Variants in TMX3 observed in about 807,000 individuals in gnomAD.
The protein encoded by TMX3 is thioredoxin related transmembrane protein 3, also known as protein disulfide-isomerase TMX3.
Under a neutral mutation model 64.4 loss-of-function variants are expected in TMX3, and 40 were observed. That is an observed-to-expected ratio of 0.62 (90% CI 0.48 to 0.81). The LOEUF is 0.81. Among genes scored for constraint, TMX3 ranks in the 30% least tolerant of loss-of-function variants. The pLI, the probability that TMX3 is intolerant of heterozygous loss-of-function variation, is 0.00. For synonymous variants in TMX3, 189 were observed against 175.7 expected, an observed-to-expected ratio of 1.08 and a Z score of -0.60; for missense variants, 497 against 534.5, an observed-to-expected ratio of 0.93 and a Z score of 0.69.
chr18:68,701,653 C>G, intron 5 of TMX3, 92 bp downstream of exon 5: 1 of 1,577,190 alleles, frequency 6.3e-7, no homozygotes, highest in Non-Finnish European at 8.6e-7. Context: ...AATCTTCAAT[C>G]CTCCAGGGAA....
chr18:68,697,875 T>A, intron 7 of TMX3, 57 bp downstream of exon 7: 1 of 1,119,386 alleles, frequency 8.9e-7, no homozygotes, highest in Admixed American at 1.8e-5. Context: ...AAGTCTTGAT[T>A]ATAGAGTAAA....
chr18:68,677,870 G>A (rs1318516160), intron 15 of TMX3, among the ~76,000 whole-genome samples: 3 of 152,070 alleles, frequency 2.0e-5, no homozygotes, highest in Non-Finnish European at 4.4e-5. Flanking sequence ...GTGTGTTTTA[G>A]GTAGGAATTT....
In TMX3 at chr18:68,681,019, C is replaced by T. The variant is rs149874821; in HGVS notation, c.997G>A (p.Val333Ile). Residue 333 changes from valine (V) to isoleucine (I), a missense_variant, in exon 14 of 16, where the codon GTC becomes ATC. By Grantham distance (29) the Val-to-Ile change is conservative. Coordinates refer to ENST00000299608, the MANE Select transcript of TMX3 (RefSeq NM_019022.5). Reference protein sequence around the residue: ...DRQIKNVEDMVQFINNILDGT... With the variant: ...DRQIKNVEDMIQFINNILDGT... ...TCCAAAATGTTATTAATAAACTGGA[C>T]CATGTCTTCAACATTCTTAATCTGT... is the stretch of plus-strand genomic sequence containing the variant. 6,375 of 1,599,368 alleles carry T rather than the reference C, an allele frequency of 4.0e-3. 24 individuals are homozygous for T. The highest frequency in any genetic ancestry group is 4.7e-3 in the Non-Finnish European group (5,547 of 1,173,566).
Position 68,684,487 on chromosome 18 carries a change from T to G in TMX3, c.737-2A>C. The G allele has an allele frequency of 6.2e-7, 1 of 1,612,234 alleles. No individual in the cohort carries two copies. Among genetic ancestry groups the G allele is most frequent in the Non-Finnish European group, 8.5e-7 (1 of 1,179,296 alleles). ...TAACTGCAAGAGCCACAAGCTTTCCTGAAATAAAGAATGACACATCTGAAT... is the reference window on the plus strand; with the variant it reads ...TAACTGCAAGAGCCACAAGCTTTCCGGAAATAAAGAATGACACATCTGAAT... On this transcript the variant is annotated splice_acceptor_variant, in intron 10 of 15. Coordinates refer to ENST00000299608, the MANE Select transcript of TMX3 (RefSeq NM_019022.5). LOFTEE classifies it high-confidence loss of function.
intron 6 of TMX3, among the ~76,000 whole-genome samples, chr18:68,698,806 G>A (rs1915367498): frequency 6.6e-6 from 1 of 152,044 alleles, no homozygotes; most frequent in Admixed American, 6.5e-5. Context: ...CATGAGGTCA[G>A]GAGGTCGAGA....
At chr18:68,686,905 GTC>G in intron 10 of TMX3, 1 of 984,892 alleles carries the variant, frequency 1.0e-6, no homozygotes, top group Non-Finnish European at 1.2e-6. Flanking sequence ...ATGTAAGAAT[GTC>G]TCTAATTTTT....
chr18:68,704,792 T>C (rs990434604), intron 4 of TMX3, among the ~76,000 whole-genome samples: 8 of 152,220 alleles, frequency 5.3e-5, no homozygotes, highest in African/African-American at 1.9e-4. Context: ...TATTTTCTTC[T>C]TGAAATGGTA....
At chr18:68,695,131 G>C (rs989206216) in intron 8 of TMX3, among the ~76,000 whole-genome samples, 10 of 152,174 alleles carry the variant, frequency 6.6e-5, no homozygotes, top group African/African-American at 2.2e-4. Flanking sequence ...ACACCAATGA[G>C]GTTTTTCTCC....
Position 68,674,343 on chromosome 18 carries a change from C to T in TMX3, c.*2590G>A, listed in dbSNP as rs774312593. On this transcript the variant is annotated 3_prime_UTR_variant, in exon 16 of 16. Coordinates refer to ENST00000299608, the MANE Select transcript of TMX3 (RefSeq NM_019022.5). ...TGGTGCACAGGGTACTCGATAAAAA[C>T]ATGCACTTTGTCTCGCTGAAATGTC... is the stretch of plus-strand genomic sequence containing the variant. 3 of 152,098 alleles carry T rather than the reference C, an allele frequency of 2.0e-5. No homozygotes were observed. Among genetic ancestry groups the T allele is most frequent in the Non-Finnish European group, 4.4e-5 (3 of 67,982 alleles). 9.4% of individuals were successfully genotyped at this position (152,098 alleles called of 1,614,324 possible).
At chr18:68,687,135 C>T in intron 10 of TMX3, 1 of 984,646 alleles carries the variant, frequency 1.0e-6, no homozygotes, top group Non-Finnish European at 1.2e-6. Context: ...AACACTTTCT[C>T]CTAAAACTTA....
In TMX3 at chr18:68,696,901, T is replaced by C. The variant is rs879694185; in HGVS notation, c.570+325A>G. The C allele has an allele frequency of 1.5e-3, 318 of 214,668 alleles. 1 individual carries two copies. The highest frequency in any genetic ancestry group is 5.3e-3 in the African/African-American group (173 of 32,554). The allele number at this position is 214,668 out of a possible 1,614,324, so 13.3% of individuals were successfully genotyped here. A position where few individuals can be genotyped will look rare whatever the true frequency, so the allele number is the denominator to read the frequency against. On this transcript the variant is annotated intron_variant, in intron 8 of 15. Coordinates refer to ENST00000299608, the MANE Select transcript of TMX3 (RefSeq NM_019022.5). ...CAACACACACACACACACACACACA[T>C]ACGCACGCAAAATAATCCACCACTT... is the stretch of plus-strand genomic sequence containing the variant.
chr18:68,674,502 T>C lies in TMX3; in HGVS notation c.*2431A>G, dbSNP rs1388634271. Reference sequence around the variant, plus strand: ...CCAACTTCCTGAAGGACCCCATTATTCATATAGAATCATGACAAAATTTAC... The same window carrying C: ...CCAACTTCCTGAAGGACCCCATTATCCATATAGAATCATGACAAAATTTAC... On this transcript the variant is annotated 3_prime_UTR_variant, in exon 16 of 16. Coordinates refer to ENST00000299608, the MANE Select transcript of TMX3 (RefSeq NM_019022.5). 6.6e-6 allele frequency: 1 copy of C among 152,044 alleles called. No individual in the cohort carries two copies. Among genetic ancestry groups the C allele is most frequent in the African/African-American group, 2.4e-5 (1 of 41,438 alleles). 9.4% of individuals were successfully genotyped at this position (152,044 alleles called of 1,614,324 possible).
chr18:68,679,647 C>T, intron 14 of TMX3, 116 bp from the exon 15 acceptor site: 2 of 753,624 alleles, frequency 2.7e-6, no homozygotes, highest in South Asian at 1.9e-5. Context: ...TACATAATCA[C>T]CTGAAAAGGC....
At chr18:68,686,492 C>T (rs1024552304) in intron 10 of TMX3, among the ~76,000 whole-genome samples, 2 of 152,084 alleles carry the variant, frequency 1.3e-5, no homozygotes, top group Admixed American at 6.5e-5. Context: ...GTGCGGATCA[C>T]GAGGTCAGGA....
At chr18:68,687,859 C>G in intron 9 of TMX3, 94 bp from the exon 10 acceptor site, 1 of 816,454 alleles carries the variant, frequency 1.2e-6, no homozygotes, top group Non-Finnish European at 1.9e-6. Context: ...AAACGCCTGA[C>G]AGAGAATCAT....
intron 4 of TMX3, among the ~76,000 whole-genome samples, chr18:68,704,680 T>A (rs893101493): frequency 6.6e-6 from 1 of 152,222 alleles, no homozygotes; most frequent in Non-Finnish European, 1.5e-5. Context: ...AATTCCTTCA[T>A]AAATTGAAGA....
intron 7 of TMX3, chr18:68,697,635 A>C (rs1316508216): frequency 7.9e-6 from 3 of 381,744 alleles, no homozygotes; most frequent in Non-Finnish European, 1.4e-5. Context: ...CAAAGTCTGC[A>C]GTCTCAAAGA....
At chr18:68,710,192 A>G in intron 3 of TMX3, 48 bp from the exon 4 acceptor site, 1 of 1,450,194 alleles carries the variant, frequency 6.9e-7, no homozygotes, top group South Asian at 1.5e-5. Flanking sequence ...AACCATTAAA[A>G]TGTTGTGCTA....
chr18:68,682,870 A>G lies in TMX3; in HGVS notation c.905+55T>C, dbSNP rs940217749. ...TTAATCCTTCTACCTGTATCTCAGA[A>G]ACAAATTTAAAAATTAATAGATTTG... On this transcript the variant is annotated intron_variant, in intron 13 of 15. Transcript: ENST00000299608. 3.3e-6 allele frequency: 5 copies of G among 1,526,708 alleles called. No individual in the cohort carries two copies. In the African/African-American group the frequency reaches 6.9e-5, roughly 21 times the overall value. 94.6% of individuals were successfully genotyped at this position (1,526,708 alleles called of 1,614,324 possible).
Sources: gnomAD v4.1 joint callset for allele counts (sites outside exome capture counted in the v4.1 genomes callset) on GRCh38, gnomAD v4.1.1 for gene constraint, MANE v1.5 for transcripts, NCBI Gene and HGNC (gene_info 2026-07-23, HGNC 2026-07-21) for gene names.